AKT3: variants seen among roughly 807,000 people sequenced by gnomAD.
AKT3 encodes AKT serine/threonine kinase 3, also known as RAC-gamma serine/threonine-protein kinase.
AKT3 carries 15 observed loss-of-function variants against 65.3 expected under a neutral mutation model. The ratio of observed to expected loss-of-function variants is 0.23; its 90% confidence interval spans 0.15 to 0.35. AKT3 has a LOEUF of 0.35. Among genes scored for constraint, AKT3 ranks in the 10% least tolerant of loss-of-function variants. AKT3 has a pLI of 1.00. For synonymous variants in AKT3, 206 were observed against 183.8 expected (o/e 1.12, Z -0.98); for missense variants, 243 against 576.5 (o/e 0.42, Z 5.92).
chr1:243,678,520 AACT>A (rs1232062424), intron 3 of AKT3, among the ~76,000 whole-genome samples: 1 of 152,234 alleles, frequency 6.6e-6, no homozygotes, highest in Non-Finnish European at 1.5e-5. Context: ...TTTAAATAGT[AACT>A]ACTAAGTAAT....
chr1:243,756,903 A>C (rs1689173880), intron 2 of AKT3, among the ~76,000 whole-genome samples: 1 of 152,268 alleles, frequency 6.6e-6, no homozygotes, highest in South Asian at 2.1e-4. Flanking sequence ...GAATACAATA[A>C]GAACAAAACA....
At chr1:243,662,386 A>G (rs537792253) in intron 4 of AKT3, among the ~76,000 whole-genome samples, 3 of 152,212 alleles carry the variant, frequency 2.0e-5, no homozygotes, top group African/African-American at 7.2e-5. Flanking sequence ...ATAAAAAATG[A>G]TGAGTTCATG....
chr1:243,599,785 T>C (rs933557550), intron 8 of AKT3, among the ~76,000 whole-genome samples: 1 of 152,114 alleles, frequency 6.6e-6, no homozygotes, highest in Non-Finnish European at 1.5e-5. Context: ...GCAAGGATAT[T>C]TGCTCTTATC....
chr1:243,698,782 GA>G (rs928973570), intron 2 of AKT3, among the ~76,000 whole-genome samples: 27 of 152,042 alleles, frequency 1.8e-4, no homozygotes, highest in African/African-American at 5.3e-4. Context: ...TACTAAGCCA[GA>G]AGTAGATCTC....
At chr1:243,688,274 A>T (rs1454132653) in intron 3 of AKT3, among the ~76,000 whole-genome samples, 1 of 152,110 alleles carries the variant, frequency 6.6e-6, no homozygotes, top group Non-Finnish European at 1.5e-5. Context: ...AGAATATAGC[A>T]ATGTATGTCA....
intron 2 of AKT3, among the ~76,000 whole-genome samples, chr1:243,755,094 A>T (rs181235139): frequency 9.4e-4 from 143 of 152,272 alleles, no homozygotes; most frequent in African/African-American, 3.2e-3. Flanking sequence ...TTGGAGACAG[A>T]GTCTCGCTGT....
At chr1:243,496,345 G>A (rs774279782), downstream of AKT3, among the ~76,000 whole-genome samples, 1 of 152,202 alleles carries the variant, frequency 6.6e-6, no homozygotes, top group Non-Finnish European at 1.5e-5. Flanking sequence ...GGAGGCGGGA[G>A]GCGAGCCACC....
At chr1:243,514,873 G>T (rs1670250483) in intron 12 of AKT3, among the ~76,000 whole-genome samples, 1 of 152,116 alleles carries the variant, frequency 6.6e-6, no homozygotes, top group African/African-American at 2.4e-5. Context: ...TTTGACATAT[G>T]TATATACCCA....
chr1:243,770,987 A>C (rs1022787537), intron 2 of AKT3, among the ~76,000 whole-genome samples: 2 of 152,152 alleles, frequency 1.3e-5, no homozygotes, highest in Non-Finnish European at 2.9e-5. Context: ...TGGGGGGAGG[A>C]GAATCCACAT....
intron 9 of AKT3, among the ~76,000 whole-genome samples, chr1:243,567,066 G>A (rs912338665): frequency 4.6e-5 from 7 of 152,168 alleles, no homozygotes; most frequent in Admixed American, 6.5e-5. Flanking sequence ...GATCGCTTGA[G>A]CTCAGGAGTT....
intron 2 of AKT3, among the ~76,000 whole-genome samples, chr1:243,797,072 G>A (rs1378833431): frequency 6.6e-6 from 1 of 151,994 alleles, no homozygotes; most frequent in Non-Finnish European, 1.5e-5. Flanking sequence ...GCAAAACAAT[G>A]TGCATGTACT....
chr1:243,594,903 G>C (rs935498840), intron 8 of AKT3, among the ~76,000 whole-genome samples: 5 of 152,074 alleles, frequency 3.3e-5, no homozygotes, highest in African/African-American at 1.2e-4. Flanking sequence ...TTCAATGAAA[G>C]ATAGTGAAAG....
chr1:243,605,651 A>G lies in AKT3; in HGVS notation c.696+8020T>C, dbSNP rs565416589. Among the ~76,000 whole-genome samples, 4 of 152,240 alleles carry G rather than the reference A, an allele frequency of 2.6e-5. No individual in the cohort carries two copies. In the East Asian group the frequency reaches 7.7e-4, roughly 29 times the overall value. On this transcript the variant is annotated intron_variant, in intron 8 of 13. Coordinates refer to ENST00000673466, the MANE Select transcript of AKT3 (RefSeq NM_005465.7). ...AACTATGATGAAATTCCATTGTACC[A>G]ATACGACCGTAAGAAGTTAGGGCTG... is the stretch of plus-strand genomic sequence containing the variant.
chr1:243,779,061 G>A (rs915915378), intron 2 of AKT3, among the ~76,000 whole-genome samples: 3 of 151,836 alleles, frequency 2.0e-5, no homozygotes, highest in Non-Finnish European at 4.4e-5. Context: ...CTCTGATGCT[G>A]TATGTTGTCT....
intron 8 of AKT3, among the ~76,000 whole-genome samples, chr1:243,576,891 G>A (rs1674980628): frequency 6.6e-6 from 1 of 152,076 alleles, no homozygotes; most frequent in South Asian, 2.1e-4. Context: ...AAATTCACAT[G>A]GGACCAAAAA....
chr1:243,726,286 T>C (rs186008798), intron 2 of AKT3, among the ~76,000 whole-genome samples: 129 of 151,862 alleles, frequency 8.5e-4, no homozygotes, highest in Non-Finnish European at 7.8e-4. Flanking sequence ...TTAAAGGATG[T>C]ATAAGTAAAT....
At chr1:243,727,449 T>C (rs573460907) in intron 2 of AKT3, among the ~76,000 whole-genome samples, 2 of 151,996 alleles carry the variant, frequency 1.3e-5, no homozygotes, top group East Asian at 1.9e-4. Flanking sequence ...GTGGCTAATT[T>C]TGTTCACTTT....
chr1:243,835,979 C>CA (rs533346359), intron 2 of AKT3, among the ~76,000 whole-genome samples: 2 of 151,270 alleles, frequency 1.3e-5, no homozygotes, highest in African/African-American at 2.4e-5. Flanking sequence ...CTAACAAAGG[C>CA]AAAAAAATAG....
At chr1:243,608,472 C>T (rs1677601969) in intron 8 of AKT3, among the ~76,000 whole-genome samples, 1 of 152,100 alleles carries the variant, frequency 6.6e-6, no homozygotes, top group African/African-American at 2.4e-5. Context: ...AGGAGCTCAT[C>T]TTAGGGCAAA....
Sources: gnomAD v4.1 joint callset for allele counts (sites outside exome capture counted in the v4.1 genomes callset) on GRCh38, gnomAD v4.1.1 for gene constraint, MANE v1.5 for transcripts, NCBI Gene and HGNC (gene_info 2026-07-23, HGNC 2026-07-21) for gene names.